Variants in NELL1 observed in about 807,000 individuals in gnomAD.
NELL1 encodes the protein neural EGFL like 1, also known as protein kinase C-binding protein NELL1.
Under a neutral mutation model 107.4 loss-of-function variants are expected in NELL1, and 76 were observed. That is an observed-to-expected ratio of 0.71 (90% CI 0.59 to 0.86). The LOEUF (loss-of-function observed/expected upper bound fraction) is 0.86, where lower values mean the gene tolerates loss of function less well. Among genes scored for constraint, NELL1 ranks in the 40% least tolerant of loss-of-function variants. The pLI, the probability that NELL1 is intolerant of heterozygous loss-of-function variation, is 0.00. For missense variants in NELL1, 1,024 were observed against 1,005.5 expected, an observed-to-expected ratio of 1.02 and a Z score of -0.25; for synonymous variants, 353 against 341.2, an observed-to-expected ratio of 1.03 and a Z score of -0.38.
intron 15 of NELL1, among the ~76,000 whole-genome samples, chr11:21,512,856 T>C (rs1200896304): frequency 6.6e-6 from 1 of 152,152 alleles, no homozygotes; most frequent in Non-Finnish European, 1.5e-5. Flanking sequence ...ACGAAGCCTG[T>C]TGACATTCCA....
chr11:21,200,407 CT>C (rs2133847202), intron 13 of NELL1, among the ~76,000 whole-genome samples: 1 of 152,112 alleles, frequency 6.6e-6, no homozygotes, highest in Non-Finnish European at 1.5e-5. Context: ...TGATGATGAG[CT>C]TTTTTTCATG....
chr11:21,372,289 A>C (rs957615550), intron 15 of NELL1, among the ~76,000 whole-genome samples: 85 of 151,942 alleles, frequency 5.6e-4, no homozygotes, highest in African/African-American at 1.6e-3. Context: ...GAAAAAAAAA[A>C]CAAAAACTAA....
intron 13 of NELL1, among the ~76,000 whole-genome samples, chr11:21,123,446 T>TA: frequency 6.6e-6 from 1 of 151,990 alleles, no homozygotes; most frequent in South Asian, 2.1e-4. Flanking sequence ...TTAGGATTAA[T>TA]AAAAAGAAAT....
At chr11:21,489,578 C>T (rs924171817) in intron 15 of NELL1, among the ~76,000 whole-genome samples, 3 of 151,636 alleles carry the variant, frequency 2.0e-5, no homozygotes, top group African/African-American at 4.8e-5. Flanking sequence ...TCCAACAGTA[C>T]GTGAAAAGGA....
chr11:21,466,843 C>CA (rs1206758243), intron 15 of NELL1, among the ~76,000 whole-genome samples: 1 of 151,360 alleles, frequency 6.6e-6, no homozygotes, highest in East Asian at 2.0e-4. Context: ...AGGTATGCTG[C>CA]AATGTGAAGG....
In NELL1 at chr11:21,570,842, G is replaced by C. The variant is rs767776934; in HGVS notation, c.2059G>C (p.Asp687His). Residue 687 changes from aspartate (D) to histidine (H), a missense_variant, in exon 18 of 20, where the codon GAC (aspartate) becomes CAC (histidine). Coordinates refer to ENST00000357134, the MANE Select transcript of NELL1 (RefSeq NM_006157.5). Reference protein sequence around the residue: ...SADLFCCPECDTRVTSQCLDQ... With the variant: ...SADLFCCPECHTRVTSQCLDQ... Reference sequence around the variant, plus strand: ...TGACCTATTCTGTTGCCCAGAATGTGACACCAGAGTCACAAGTCAATGTTT... The same window carrying C: ...TGACCTATTCTGTTGCCCAGAATGTCACACCAGAGTCACAAGTCAATGTTT... 6.2e-7 allele frequency: 1 copy of C among 1,611,914 alleles called. No homozygotes were observed.
intron 13 of NELL1, among the ~76,000 whole-genome samples, chr11:21,133,839 CTG>C (rs937916179): frequency 5.0e-4 from 76 of 152,320 alleles, no homozygotes; most frequent in African/African-American, 1.8e-3. Flanking sequence ...GGGTTCACAA[CTG>C]TGGCTGGGTG....
intron 14 of NELL1, among the ~76,000 whole-genome samples, chr11:21,281,958 A>G (rs1434100381): frequency 6.6e-6 from 1 of 152,212 alleles, no homozygotes; most frequent in Non-Finnish European, 1.5e-5. Context: ...TTGTGTAATA[A>G]TTTACACGCA....
chr11:20,715,214 C>A (rs1158984576), intron 2 of NELL1, among the ~76,000 whole-genome samples: 1 of 151,412 alleles, frequency 6.6e-6, no homozygotes, highest in Non-Finnish European at 1.5e-5. Context: ...CATTGCATGC[C>A]AGCCTGGGGA....
rs189961646 is a variant in NELL1 at position 21,065,592 on chromosome 11, T to C, written c.1301-47997T>C. Among the ~76,000 whole-genome samples, 430 of 152,326 alleles carry C rather than the reference T, an allele frequency of 2.8e-3. 4 individuals are homozygous for C. Among genetic ancestry groups the C allele is most frequent in the African/African-American group, 9.7e-3 (405 of 41,570 alleles). On this transcript the variant is annotated intron_variant, in intron 12 of 19. Coordinates refer to ENST00000357134, the MANE Select transcript of NELL1 (RefSeq NM_006157.5). ...CCTGGTAACCTGGCATTGGATTGCA[T>C]GCGTTGCATTCAAAGAGAACTCTAG...
intron 3 of NELL1, among the ~76,000 whole-genome samples, chr11:20,836,817 T>C (rs904658586): frequency 1.6e-4 from 14 of 89,380 alleles, no homozygotes; most frequent in Non-Finnish European, 6.7e-5. Flanking sequence ...GAGAGCTAAA[T>C]AGGTGAAAAA....
intron 5 of NELL1, among the ~76,000 whole-genome samples, chr11:20,915,700 G>GATATATATATAT (rs369114547): frequency 1.2e-3 from 36 of 29,412 alleles, no homozygotes; most frequent in African/African-American, 2.8e-3. Context: ...CCTCATAGAT[G>GATATATATATAT]ATATATATAT....
At chr11:20,759,116 G>A (rs1856362176) in intron 2 of NELL1, among the ~76,000 whole-genome samples, 1 of 152,190 alleles carries the variant, frequency 6.6e-6, no homozygotes, top group Admixed American at 6.5e-5. Context: ...ATGTGGACCT[G>A]CCTGACAAAC....
intron 15 of NELL1, 130 bp downstream of exon 15, chr11:21,371,078 G>A: frequency 1.5e-6 from 1 of 674,580 alleles, no homozygotes; most frequent in Non-Finnish European, 2.4e-6. Flanking sequence ...GACGGTGGAT[G>A]GAGCTCTCCC....
At chr11:21,490,879 G>T (rs183740158) in intron 15 of NELL1, among the ~76,000 whole-genome samples, 333 of 151,976 alleles carry the variant, frequency 2.2e-3, no homozygotes, top group African/African-American at 7.9e-3. Flanking sequence ...ACATCAAAAT[G>T]TCAGTCTAAG....
In NELL1 at chr11:20,927,264, G is replaced by A. The variant is rs1850517534; in HGVS notation, c.760-44G>A. 7 of 1,567,570 alleles carry A rather than the reference G, an allele frequency of 4.5e-6. No homozygotes were observed. The Admixed American group carries it at 1.4e-4, about 32-fold the overall frequency. ...TTGCTATTAGCTTTGTTAGGATGAT[G>A]CAATTGAATTACAGAAATTACATTC... On this transcript the variant is annotated intron_variant, in intron 7 of 19. Coordinates refer to ENST00000357134, the MANE Select transcript of NELL1 (RefSeq NM_006157.5).
At chr11:21,032,733 C>CT (rs1326012648) in intron 12 of NELL1, among the ~76,000 whole-genome samples, 2 of 152,166 alleles carry the variant, frequency 1.3e-5, no homozygotes, top group African/African-American at 4.8e-5. Flanking sequence ...TTTCTTGTTA[C>CT]TTTTTCCAGA....
In NELL1 at chr11:21,396,438, G is replaced by A. The variant is rs76159416; in HGVS notation, c.1645+25490G>A. On this transcript the variant is annotated intron_variant, in intron 15 of 19. Coordinates refer to ENST00000357134, the MANE Select transcript of NELL1 (RefSeq NM_006157.5). Reference sequence around the variant, plus strand: ...AAGAGCAGACACAGGTTTTATCTCAGCAAGACAGAAGATTGATAAAGGAAG... The same window carrying A: ...AAGAGCAGACACAGGTTTTATCTCAACAAGACAGAAGATTGATAAAGGAAG... Among the ~76,000 whole-genome samples the A allele has an allele frequency of 8.8e-4, 134 of 151,754 alleles. 6 individuals are homozygous for A. The East Asian group carries it at 0.025, about 28-fold the overall frequency.
Position 21,350,199 on chromosome 11 carries a change from C to T in NELL1, c.1550-20654C>T, listed in dbSNP as rs151196998. Among the ~76,000 whole-genome samples the T allele has an allele frequency of 1.2e-4, 18 of 152,094 alleles. No homozygotes were observed. In the East Asian group the frequency reaches 3.3e-3, roughly 28 times the overall value. ...CTCTCATGCTCACTGCTTTGATAGT[C>T]TTTCTTAATGCCAGTAATTCTTGGG... On this transcript the variant is annotated intron_variant, in intron 14 of 19. Coordinates refer to ENST00000357134, the MANE Select transcript of NELL1 (RefSeq NM_006157.5).
Sources: allele counts gnomAD v4.1 joint callset (sites outside exome capture counted in the v4.1 genomes callset), GRCh38; gene constraint gnomAD v4.1.1; transcripts MANE v1.5; gene names NCBI Gene and HGNC (gene_info 2026-07-23, HGNC 2026-07-21).